The following GLIS1 variants were observed in gnomAD, a reference collection of about 807,000 sequenced individuals.
GLIS1 encodes the protein zinc finger protein GLIS1.
Under a neutral mutation model 63.8 loss-of-function variants are expected in GLIS1, and 24 were observed. That is an observed-to-expected ratio of 0.38 (90% CI 0.27 to 0.53). The LOEUF is 0.53. GLIS1 is among the 20% of genes least tolerant of loss of function. The pLI, the probability that GLIS1 is intolerant of heterozygous loss-of-function variation, is 0.85. For synonymous variants in GLIS1, 450 were observed against 482.5 expected, an observed-to-expected ratio of 0.93 and a Z score of 0.88; for missense variants, 1,036 against 1,074.1, an observed-to-expected ratio of 0.96 and a Z score of 0.50.
At chr1:53,580,300 C>T (rs916090939) in intron 4 of GLIS1, among the ~76,000 whole-genome samples, 5 of 152,192 alleles carry the variant, frequency 3.3e-5, no homozygotes, top group African/African-American at 1.2e-4. Context: ...CTCCCTTTCC[C>T]GAGCCCTACA....
rs77998475 is a variant in GLIS1, at chr1:53,679,399, T to C, written c.259+58407A>G. ...ATCCGAGTTGGGTTTCAGATGAAAG[T>C]AGGAGGGAGACCAGATGTGAGGCTG... On this transcript the variant is annotated intron_variant, in intron 2 of 10. Coordinates refer to ENST00000628545, the MANE Select transcript of GLIS1 (RefSeq NM_001367484.1). 3.5e-3 allele frequency among the ~76,000 whole-genome samples: 529 copies of C among 152,236 alleles called. 3 individuals carry two copies. Among genetic ancestry groups the C allele is most frequent in the Middle Eastern group, 0.01 (3 of 294 alleles).
At chr1:53,673,802 T>C (rs1646180691) in intron 2 of GLIS1, among the ~76,000 whole-genome samples, 3 of 152,166 alleles carry the variant, frequency 2.0e-5, no homozygotes. Context: ...TGGTGCACGG[T>C]AGGTGGTGAA....
At chr1:53,738,313 T>C (rs936829990) in intron 1 of GLIS1, among the ~76,000 whole-genome samples, 1 of 152,212 alleles carries the variant, frequency 6.6e-6, no homozygotes, top group Non-Finnish European at 1.5e-5. Context: ...CGCCCTTCCC[T>C]GGTGTGGGGA....
intron 2 of GLIS1, among the ~76,000 whole-genome samples, chr1:53,634,797 G>A (rs763553524): frequency 4.6e-5 from 7 of 152,128 alleles, no homozygotes; most frequent in Non-Finnish European, 7.4e-5. Flanking sequence ...AATGCCTCTG[G>A]AGCCACCTTG....
intron 3 of GLIS1, among the ~76,000 whole-genome samples, chr1:53,597,469 T>C (rs1645270705): frequency 6.6e-6 from 1 of 151,368 alleles, no homozygotes; most frequent in African/African-American, 2.4e-5. Context: ...CCTGGGACCA[T>C]GAGGACTGAA....
rs374804867 is a variant in GLIS1, at chr1:53,720,400, G to A, written c.259+17406C>T. Among the ~76,000 whole-genome samples the A allele has an allele frequency of 1.1e-4, 17 of 152,118 alleles. 1 individual carries two copies. Among genetic ancestry groups the A allele is most frequent in the Admixed American group, 3.9e-4 (6 of 15,270 alleles). ...AAATGAAACAAGCCAGACACAGAAAGAAAAATACCGTAACTTCCTTATACT... is the reference window on the plus strand; with the variant it reads ...AAATGAAACAAGCCAGACACAGAAAAAAAAATACCGTAACTTCCTTATACT... On this transcript the variant is annotated intron_variant, in intron 2 of 10. Transcript: ENST00000628545.
intron 2 of GLIS1, among the ~76,000 whole-genome samples, chr1:53,688,977 A>G (rs1312000582): frequency 6.6e-6 from 1 of 152,212 alleles, no homozygotes; most frequent in Admixed American, 6.5e-5. Flanking sequence ...GCTGGGGAAT[A>G]AAACTGTCAC....
intron 10 of GLIS1, among the ~76,000 whole-genome samples, chr1:53,507,133 C>A (rs1057207525): frequency 5.9e-5 from 9 of 152,120 alleles, no homozygotes; most frequent in Non-Finnish European, 1.5e-5. Context: ...GGGCTGGTCC[C>A]CTCCTGGTAG....
At chr1:53,648,041 A>T (rs1038067607) in intron 2 of GLIS1, among the ~76,000 whole-genome samples, 2 of 152,022 alleles carry the variant, frequency 1.3e-5, no homozygotes, top group Non-Finnish European at 1.5e-5. Flanking sequence ...GCATGGTGGT[A>T]TGTGCACCTG....
chr1:53,621,187 A>T (rs956972530), intron 2 of GLIS1, among the ~76,000 whole-genome samples: 1 of 152,226 alleles, frequency 6.6e-6, no homozygotes, highest in Non-Finnish European at 1.5e-5. Flanking sequence ...ATCAAGTGAG[A>T]TAATGCCCCA....
intron 8 of GLIS1, 83 bp downstream of exon 8, chr1:53,514,542 T>C (rs567017959): frequency 5.9e-6 from 8 of 1,351,300 alleles, no homozygotes; most frequent in Admixed American, 3.9e-5. Context: ...AGCAGATAGA[T>C]AGTGCGGGAC....
At chr1:53,662,611 G>A (rs1416622208) in intron 2 of GLIS1, among the ~76,000 whole-genome samples, 1 of 152,092 alleles carries the variant, frequency 6.6e-6, no homozygotes, top group East Asian at 1.9e-4. Context: ...GCAGCTACAG[G>A]GGGCAGTTTC....
At chr1:53,579,490 C>G (rs60400363) in intron 4 of GLIS1, among the ~76,000 whole-genome samples, 1,834 of 152,344 alleles carry the variant, frequency 0.012, 30 homozygotes, top group African/African-American at 0.041. Flanking sequence ...ATTTCACCAA[C>G]CAGTTGTCAG....
At chr1:53,571,341 A>G (rs892854163) in intron 4 of GLIS1, among the ~76,000 whole-genome samples, 3 of 152,236 alleles carry the variant, frequency 2.0e-5, no homozygotes, top group African/African-American at 7.2e-5. Flanking sequence ...GCATTTTCAT[A>G]CATTCCCTAA....
intron 4 of GLIS1, among the ~76,000 whole-genome samples, chr1:53,556,595 TTG>T (rs1348054416): frequency 1.6e-5 from 1 of 63,360 alleles, no homozygotes; most frequent in Non-Finnish European, 2.6e-5. Flanking sequence ...TACTGTAGGT[TTG>T]TGTGTGTGTG....
rs1403749009 is a variant in GLIS1 at position 53,737,909 on chromosome 1, G to A, written c.156C>T (p.Asp52=). 6.5e-6 allele frequency: 8 copies of A among 1,230,226 alleles called. No homozygotes were observed. Among genetic ancestry groups the A allele is most frequent in the Non-Finnish European group, 8.1e-6 (8 of 987,016 alleles). The allele number at this position is 1,230,226 out of a possible 1,614,324, so 76.2% of individuals were successfully genotyped here. The change falls in exon 2 of 11, where the codon GAC becomes GAT. Residue 52 remains aspartate (D), a synonymous_variant. Transcript: ENST00000628545. ...GCGGCGCAGGCGGCCGGGCTAGCAG[G>A]TCCCGCGGGCCCCTGTCCCCGCAGC... ...GGGCGDRGPR[D]LLARPPAPPP... is the part of the protein sequence containing the mutation.
At chr1:53,715,733 T>C (rs1408396869) in intron 2 of GLIS1, among the ~76,000 whole-genome samples, 3 of 151,992 alleles carry the variant, frequency 2.0e-5, no homozygotes, top group East Asian at 1.9e-4. Context: ...CTGTGCCTAA[T>C]GTTACTGAGA....
chr1:53,514,773 G>A lies in GLIS1; in HGVS notation c.1735C>T (p.Pro579Ser). 6.3e-7 allele frequency: 1 copy of A among 1,593,308 alleles called. No individual in the cohort carries two copies. The highest frequency in any genetic ancestry group is 8.5e-7 in the Non-Finnish European group (1 of 1,170,088). Residue 579 changes from proline to serine, a missense_variant, in exon 8 of 11, where the codon CCT becomes TCT. Around this residue, in one of 3 missense-constraint regions of GLIS1, gnomAD observed 400 missense variants for 400.9 expected, o/e 1.00. Coordinates refer to ENST00000628545, the MANE Select transcript of GLIS1 (RefSeq NM_001367484.1). ...LGQELLPGVY[P>S]GSITPHNGLA... ...CCGTTATGGGGGGTGATGGAGCCAGGATACACACCTGCAGGGAATCAAACA... is the reference window on the plus strand; with the variant it reads ...CCGTTATGGGGGGTGATGGAGCCAGAATACACACCTGCAGGGAATCAAACA...
chr1:53,580,806 A>AT (rs1378070152), intron 4 of GLIS1, among the ~76,000 whole-genome samples: 1 of 152,060 alleles, frequency 6.6e-6, no homozygotes, highest in Non-Finnish European at 1.5e-5. Context: ...TGGTGGAATC[A>AT]TTTTTCCTGC....
Sources: gnomAD v4.1 joint callset for allele counts (sites outside exome capture counted in the v4.1 genomes callset) on GRCh38, gnomAD v4.1.1 for gene constraint, gnomAD v4.1.1 regional missense constraint, MANE v1.5 for transcripts, NCBI Gene and HGNC (gene_info 2026-07-23, HGNC 2026-07-21) for gene names.